DMXL2: variants seen among roughly 807,000 people sequenced by gnomAD.
DMXL2 encodes dmX-like protein 2.
DMXL2 carries 103 observed loss-of-function variants against 331.1 expected under a neutral mutation model. The observed-to-expected ratio is 0.31, with a 90% CI of 0.27 to 0.37. The LOEUF is 0.37. Ranked by LOEUF, DMXL2 falls within the 10% of genes least tolerant of loss-of-function variation. The pLI, the probability that DMXL2 is intolerant of heterozygous loss-of-function variation, is 1.00. For missense variants in DMXL2, 3,171 were observed against 3,642.9 expected, an observed-to-expected ratio of 0.87 and a Z score of 3.33; for synonymous variants, 1,281 against 1,252.1, an observed-to-expected ratio of 1.02 and a Z score of -0.49.
At chr15:51,456,039 A>C in intron 39 of DMXL2, 27 bp downstream of exon 39, 1 of 1,611,270 alleles carries the variant, frequency 6.2e-7, no homozygotes, top group Non-Finnish European at 8.5e-7. Context: ...TTTCAGATGA[A>C]TTCAGCAGTA....
intron 1 of DMXL2, among the ~76,000 whole-genome samples, chr15:51,580,541 A>G (rs2051338525): frequency 6.6e-6 from 1 of 152,182 alleles, no homozygotes; most frequent in Non-Finnish European, 1.5e-5. Context: ...CCAGAGCACA[A>G]TATACGAGTG....
chr15:51,518,104 G>T (rs1023016858), intron 13 of DMXL2, among the ~76,000 whole-genome samples: 3 of 152,174 alleles, frequency 2.0e-5, no homozygotes, highest in Non-Finnish European at 2.9e-5. Context: ...GGCCAAGGCA[G>T]GTGGATCTCC....
intron 43 of DMXL2, among the ~76,000 whole-genome samples, chr15:51,449,604 G>A (rs955861732): frequency 3.9e-5 from 6 of 152,128 alleles, no homozygotes; most frequent in African/African-American, 1.2e-4. Context: ...CATTCAGCAC[G>A]CTCCTTGGCT....
intron 14 of DMXL2, 91 bp from the exon 15 acceptor site, chr15:51,514,650 A>C: frequency 1.3e-6 from 1 of 742,066 alleles, no homozygotes; most frequent in Non-Finnish European, 2.3e-6. Context: ...CTAATGCAGA[A>C]GAAATATATC....
chr15:51,565,209 TG>T lies in DMXL2; in HGVS notation c.286-44del, dbSNP rs777428047. 10 of 1,353,064 alleles carry T rather than the reference TG, an allele frequency of 7.4e-6. No individual in the cohort carries two copies. In the African/African-American group the frequency reaches 1.2e-4, roughly 16 times the overall value. The allele number at this position is 1,353,064 out of a possible 1,614,324, so 83.8% of individuals were successfully genotyped here. The stretch of plus-strand genomic sequence containing the variant: ...AAAGAAATAAGAAAAAAGAAAAAGA[TG>T]TTTTTCAAATAATATCCCAAAACAC... On this transcript the variant is annotated intron_variant, in intron 3 of 43. Transcript: ENST00000560891.
intron 1 of DMXL2, among the ~76,000 whole-genome samples, chr15:51,596,115 C>A (rs949461206): frequency 6.6e-6 from 1 of 152,074 alleles, no homozygotes; most frequent in African/African-American, 2.4e-5. Flanking sequence ...AAAGAAACTA[C>A]CATCAGAGTG....
chr15:51,610,913 T>G (rs2053922455), intron 1 of DMXL2, among the ~76,000 whole-genome samples: 1 of 152,186 alleles, frequency 6.6e-6, no homozygotes, highest in African/African-American at 2.4e-5. Context: ...AAGTCTCATA[T>G]ATTCAGAAAT....
intron 28 of DMXL2, 94 bp downstream of exon 28, chr15:51,474,250 T>C: frequency 1.6e-6 from 2 of 1,268,862 alleles, no homozygotes; most frequent in Non-Finnish European, 2.2e-6. Context: ...GCATCGCTTA[T>C]TTTCAAAGTG....
chr15:51,537,969 A>G (rs527434887), intron 10 of DMXL2, among the ~76,000 whole-genome samples: 1 of 152,326 alleles, frequency 6.6e-6, no homozygotes, highest in South Asian at 2.1e-4. Flanking sequence ...TATCATTATT[A>G]CTACCATTTA....
chr15:51,478,158 T>C (rs758692853), intron 26 of DMXL2, 113 bp downstream of exon 26: 17 of 709,510 alleles, frequency 2.4e-5, no homozygotes, highest in Non-Finnish European at 3.6e-5. Context: ...TAAAATATCA[T>C]GGCTGTCATA....
chr15:51,471,161 G>T (rs900712881), intron 29 of DMXL2, 62 bp downstream of exon 29: 33 of 1,486,188 alleles, frequency 2.2e-5, no homozygotes, highest in Non-Finnish European at 2.8e-5. Flanking sequence ...TGAGACACAT[G>T]CAAGAGTTAA....
At chr15:51,598,866 C>A (rs765653033) in intron 1 of DMXL2, among the ~76,000 whole-genome samples, 1 of 152,118 alleles carries the variant, frequency 6.6e-6, no homozygotes, top group Non-Finnish European at 1.5e-5. Flanking sequence ...AATAAGTATA[C>A]TGTGGGAATA....
In DMXL2 at chr15:51,488,128, C is replaced by A; in HGVS notation, c.5052-9G>T. On this transcript the variant is annotated splice_polypyrimidine_tract_variant and intron_variant, in intron 21 of 43. Transcript: ENST00000560891. The stretch of plus-strand genomic sequence containing the variant: ...TTTCATCATGCTGTGACCTGGGGAC[C>A]GAGCATAAACATAAAGTGGTTAAAC... 6.3e-7 allele frequency: 1 copy of A among 1,577,316 alleles called. No homozygotes were observed. Among genetic ancestry groups the A allele is most frequent in the Non-Finnish European group, 8.6e-7 (1 of 1,164,036 alleles).
intron 13 of DMXL2, among the ~76,000 whole-genome samples, chr15:51,520,915 C>A (rs1201463591): frequency 2.0e-5 from 3 of 151,952 alleles, no homozygotes; most frequent in Non-Finnish European, 4.4e-5. Context: ...CATAAAGACA[C>A]CTACAAAGCA....
chr15:51,459,170 G>A lies in DMXL2; in HGVS notation c.7990-375C>T, dbSNP rs559425560. 2.0e-5 allele frequency: 4 copies of A among 198,858 alleles called. No homozygotes were observed. In the South Asian group the frequency reaches 4.0e-4, roughly 20 times the overall value. The allele number at this position is 198,858 out of a possible 1,614,324, so 12.3% of individuals were successfully genotyped here. A position where few individuals can be genotyped will look rare whatever the true frequency, so the allele number is the denominator to read the frequency against. On this transcript the variant is annotated intron_variant, in intron 34 of 43. Transcript: ENST00000560891. ...TAAGAGGCACAGAGTGGAGTAAAAA[G>A]CCATAGAAAACCGCAAAGAAACCAC...
intron 8 of DMXL2, among the ~76,000 whole-genome samples, chr15:51,544,089 T>A (rs890775109): frequency 6.6e-6 from 1 of 151,892 alleles, no homozygotes; most frequent in Non-Finnish European, 1.5e-5. Context: ...CACTTACATT[T>A]TAAATATTGA....
chr15:51,498,125 G>A (rs534786254), intron 18 of DMXL2, among the ~76,000 whole-genome samples: 98 of 152,096 alleles, frequency 6.4e-4, no homozygotes, highest in Non-Finnish European at 1.2e-3. Context: ...CTGTGGTCCC[G>A]GCTATTCAGG....
intron 1 of DMXL2, among the ~76,000 whole-genome samples, chr15:51,588,465 G>A (rs2052029591): frequency 6.6e-6 from 1 of 152,050 alleles, no homozygotes. Flanking sequence ...GGTGTGAGCT[G>A]CCACACCCAG....
rs368456628 is a variant in DMXL2, at chr15:51,622,594, G to A, written c.-49C>T. 9 of 1,521,520 alleles carry A rather than the reference G, an allele frequency of 5.9e-6. No individual in the cohort carries two copies. In the African/African-American group the frequency reaches 1.1e-4, roughly 19 times the overall value. 94.3% of individuals were successfully genotyped at this position (1,521,520 alleles called of 1,614,324 possible). ...ATGCGCGGGAGGTGCGACAAGCTCC[G>A]CGCCTGACCCTCCTCGGGCTGCGAG... On this transcript the variant is annotated 5_prime_UTR_variant, in exon 1 of 44. Coordinates refer to ENST00000560891, the MANE Select transcript of DMXL2 (RefSeq NM_001378457.1).
Sources: gnomAD v4.1 joint callset for allele counts (sites outside exome capture counted in the v4.1 genomes callset) on GRCh38, gnomAD v4.1.1 for gene constraint, MANE v1.5 for transcripts, NCBI Gene and HGNC (gene_info 2026-07-23, HGNC 2026-07-21) for gene names.